The following NCKAP1 variants were observed in gnomAD, a reference collection of about 807,000 sequenced individuals.
NCKAP1 encodes NCK associated protein 1, also known as nck-associated protein 1.
NCKAP1 carries 21 observed loss-of-function variants against 151.2 expected under a neutral mutation model. That is an observed-to-expected ratio of 0.14 (90% CI 0.10 to 0.20). The LOEUF is 0.20. Ranked by LOEUF, NCKAP1 falls within the 10% of genes least tolerant of loss-of-function variation. The pLI is 1.00. For synonymous variants in NCKAP1, 484 were observed against 451.8 expected (o/e 1.07, Z -0.90); for missense variants, 933 against 1,352.1 (o/e 0.69, Z 4.86).
rs941185215 is a variant in NCKAP1 at position 182,923,920 on chromosome 2, C to T, written c.*1782G>A. ...TCAGCCTAGCAGTGGTAGAGAATGC[C>T]TTATTTTCATCCTTATGCCCTTTCA... On this transcript the variant is annotated 3_prime_UTR_variant, in exon 31 of 31. Transcript: ENST00000361354. 8 of 152,236 alleles carry T rather than the reference C, an allele frequency of 5.3e-5. No individual in the cohort carries two copies. In the East Asian group the frequency reaches 1.4e-3, roughly 26 times the overall value. The allele number at this position is 152,236 out of a possible 1,614,324, so 9.4% of individuals were successfully genotyped here.
intron 10 of NCKAP1, 41 bp from the exon 11 acceptor site, chr2:182,983,423 A>G: frequency 7.1e-7 from 1 of 1,414,334 alleles, no homozygotes; most frequent in Non-Finnish European, 9.9e-7. Flanking sequence ...TGCTTCTACT[A>G]AAATTATTAT....
At position 182,918,738 on chromosome 2, in the gene NCKAP1, A is replaced by T. The variant is rs1575006129; in HGVS notation, c.*6964T>A. 1 of 152,236 alleles carries T rather than the reference A, an allele frequency of 6.6e-6. No homozygotes were observed. Among genetic ancestry groups the T allele is most frequent in the Non-Finnish European group, 1.5e-5 (1 of 68,062 alleles). The allele number at this position is 152,236 out of a possible 1,614,324, so 9.4% of individuals were successfully genotyped here. A position where few individuals can be genotyped will look rare whatever the true frequency, so the allele number is the denominator to read the frequency against. On this transcript the variant is annotated 3_prime_UTR_variant, in exon 31 of 31. Transcript: ENST00000361354. The stretch of plus-strand genomic sequence containing the variant: ...AAAAACTACACATTGGGTACAATGC[A>T]TACTACCTGGGTGACAGGTACACTA...
intron 2 of NCKAP1, among the ~76,000 whole-genome samples, chr2:183,014,315 G>A (rs1275043107): frequency 1.6e-4 from 25 of 152,110 alleles, no homozygotes; most frequent in Non-Finnish European, 1.5e-5. Context: ...CTGAATGGTG[G>A]CATTTAAGCA....
intron 13 of NCKAP1, among the ~76,000 whole-genome samples, 156 bp from the exon 14 acceptor site, chr2:182,979,071 A>C (rs1697885175): frequency 1.3e-5 from 2 of 152,116 alleles, no homozygotes; most frequent in Admixed American, 6.6e-5. Context: ...ACACCATAAC[A>C]CGAATCTCAA....
chr2:182,925,898 G>T (rs958878314), intron 30 of NCKAP1, 80 bp from the exon 31 acceptor site: 15 of 660,214 alleles, frequency 2.3e-5, no homozygotes, highest in Admixed American at 1.4e-4. Context: ...TTTATAATGG[G>T]AACATTTATT....
chr2:182,927,945 A>G (rs1696682365), intron 29 of NCKAP1, among the ~76,000 whole-genome samples, 172 bp downstream of exon 29: 1 of 152,086 alleles, frequency 6.6e-6, no homozygotes, highest in South Asian at 2.1e-4. Context: ...ACAAATAAAA[A>G]TAAAAGGAGA....
intron 19 of NCKAP1, 85 bp from the exon 20 acceptor site, chr2:182,956,678 T>G: frequency 7.4e-7 from 1 of 1,360,144 alleles, no homozygotes; most frequent in Non-Finnish European, 9.9e-7. Flanking sequence ...TCAACCTTAT[T>G]TGGAGATAAT....
Position 182,915,623 on chromosome 2 carries a change from T to G in NCKAP1, c.*10079A>C, listed in dbSNP as rs1056426747. The G allele has an allele frequency of 3.3e-5, 5 of 152,306 alleles. No individual in the cohort carries two copies. The highest frequency in any genetic ancestry group is 1.2e-4 in the African/African-American group (5 of 41,560). The allele number at this position is 152,306 out of a possible 1,614,324, so 9.4% of individuals were successfully genotyped here. A position where few individuals can be genotyped will look rare whatever the true frequency, so the allele number is the denominator to read the frequency against. ...GGAGTTACACTGACAGGATAAAATT[T>G]CAAGGCTTGCTAATCCTTGTGCATG... On this transcript the variant is annotated 3_prime_UTR_variant, in exon 31 of 31. Coordinates refer to ENST00000361354, the MANE Select transcript of NCKAP1 (RefSeq NM_013436.5).
rs1696571617 is a variant in NCKAP1, at chr2:182,922,714, A to G, written c.*2988T>C. 6.6e-6 allele frequency: 1 copy of G among 152,404 alleles called. No homozygotes were observed. The highest frequency in any genetic ancestry group is 1.5e-5 in the Non-Finnish European group (1 of 68,226). The allele number at this position is 152,404 out of a possible 1,614,324, so 9.4% of individuals were successfully genotyped here. A position where few individuals can be genotyped will look rare whatever the true frequency, so the allele number is the denominator to read the frequency against. ...TTATCCTGTATACTTTCCAGTCACC[A>G]TCAGAAGTTTGCTCATGGCTGGGCG... On this transcript the variant is annotated 3_prime_UTR_variant, in exon 31 of 31. Coordinates refer to ENST00000361354, the MANE Select transcript of NCKAP1 (RefSeq NM_013436.5).
chr2:182,944,512 T>A (rs1201546734), intron 23 of NCKAP1, among the ~76,000 whole-genome samples: 10 of 152,074 alleles, frequency 6.6e-5, no homozygotes, highest in Admixed American at 6.5e-4. Context: ...ACCCAAGAAT[T>A]TTCGTAGAAA....
At chr2:183,037,344 C>T (rs1699122453) in intron 1 of NCKAP1, among the ~76,000 whole-genome samples, 1 of 152,200 alleles carries the variant, frequency 6.6e-6, no homozygotes, top group South Asian at 2.1e-4. Context: ...GTTCTAGTGA[C>T]TCACAGCCTA....
intron 23 of NCKAP1, among the ~76,000 whole-genome samples, chr2:182,948,043 C>T (rs1234182160): frequency 6.6e-6 from 1 of 152,168 alleles, no homozygotes; most frequent in Non-Finnish European, 1.5e-5. Flanking sequence ...AAACATTATA[C>T]AATTCCAGAA....
intron 26 of NCKAP1, among the ~76,000 whole-genome samples, chr2:182,932,255 T>C (rs1245499120): frequency 1.3e-5 from 2 of 152,120 alleles, no homozygotes; most frequent in East Asian, 1.9e-4. Flanking sequence ...AACAAAATGT[T>C]GTATACCCAT....
chr2:182,950,976 G>A (rs1374798953), intron 23 of NCKAP1, among the ~76,000 whole-genome samples: 1 of 151,984 alleles, frequency 6.6e-6, no homozygotes, highest in Non-Finnish European at 1.5e-5. Context: ...GGGATTACAA[G>A]TGCCCACCAC....
chr2:182,978,561 C>G (rs940245036), intron 14 of NCKAP1, among the ~76,000 whole-genome samples: 3 of 152,026 alleles, frequency 2.0e-5, no homozygotes, highest in Non-Finnish European at 4.4e-5. Context: ...TATGCTTGGA[C>G]CAAATATATG....
intron 2 of NCKAP1, among the ~76,000 whole-genome samples, chr2:183,011,486 T>G (rs2368351): frequency 0.33 from 49,844 of 152,152 alleles, 11,452 homozygotes; most frequent in African/African-American, 0.65. Flanking sequence ...TTTGCTCTCT[T>G]TATCAATAAG....
chr2:182,927,187 A>C (rs998454867), intron 29 of NCKAP1: 6 of 284,230 alleles, frequency 2.1e-5, no homozygotes, highest in Non-Finnish European at 3.9e-5. Context: ...AATGATTCAA[A>C]TTATTTTCTC....
Position 182,957,462 on chromosome 2 carries a change from C to T in NCKAP1, c.2016G>A (p.Val672=). 6.2e-7 allele frequency: 1 copy of T among 1,611,696 alleles called. No individual in the cohort carries two copies. Among genetic ancestry groups the T allele is most frequent in the Non-Finnish European group, 8.5e-7 (1 of 1,179,382 alleles). ...TAATATAAGTGGATACTTACTTGGT[C>T]ACAACCAGCCTGTTTTTCCTCATGC... The part of the protein sequence containing the change: ...VESMRKNRLV[V]TNLDKLHTAL... Residue 672 remains valine (V), a synonymous_variant, in exon 19 of 31, where the codon GTG becomes GTA. Transcript: ENST00000361354.
In NCKAP1 at chr2:182,913,900, C is replaced by G. The variant is rs1486526979; in HGVS notation, c.*11802G>C. 5.3e-5 allele frequency: 8 copies of G among 152,288 alleles called. No homozygotes were observed. The highest frequency in any genetic ancestry group is 1.9e-4 in the African/African-American group (8 of 41,428). The allele number at this position is 152,288 out of a possible 1,614,324, so 9.4% of individuals were successfully genotyped here. Reference sequence around the variant, plus strand: ...AGGAAACTTCACAATGGTGCACAGTCCATACTCCATGAAACTTTCTGCTTA... The same window carrying G: ...AGGAAACTTCACAATGGTGCACAGTGCATACTCCATGAAACTTTCTGCTTA... On this transcript the variant is annotated 3_prime_UTR_variant, in exon 31 of 31. Transcript: ENST00000361354.
Sources: gnomAD v4.1 joint callset for allele counts (sites outside exome capture counted in the v4.1 genomes callset) on GRCh38, gnomAD v4.1.1 for gene constraint, MANE v1.5 for transcripts, NCBI Gene and HGNC (gene_info 2026-07-23, HGNC 2026-07-21) for gene names.